The following STRIP1 variants were observed in gnomAD, a reference collection of about 807,000 sequenced individuals.
The protein encoded by STRIP1 is striatin interacting protein 1, also known as striatin-interacting protein 1.
Under a neutral mutation model 106.2 loss-of-function variants are expected in STRIP1, and 63 were observed. The ratio of observed to expected loss-of-function variants is 0.59; its 90% CI spans 0.48 to 0.73. The LOEUF (loss-of-function observed/expected upper bound fraction) is 0.73. Among genes scored for constraint, STRIP1 ranks in the 30% least tolerant of loss-of-function variants. The pLI is 0.00. For missense variants in STRIP1, 857 were observed against 1,074.8 expected, an observed-to-expected ratio of 0.80 and a Z score of 2.83; for synonymous variants, 390 against 413.0, an observed-to-expected ratio of 0.94 and a Z score of 0.67.
At chr1:110,039,597 G>T (rs758646326) in intron 5 of STRIP1, 82 bp downstream of exon 5, 18 of 1,488,614 alleles carry the variant, frequency 1.2e-5, no homozygotes, top group East Asian at 2.4e-5. Flanking sequence ...AACTGGCTTT[G>T]AGAGGGTTAA....
upstream of STRIP1, chr1:110,031,707 A>G (rs1434031657): frequency 3.3e-5 from 5 of 151,734 alleles, no homozygotes; most frequent in African/African-American, 4.8e-5. Context: ...AGACACTTCT[A>G]CAGCTTCTAC....
chr1:110,047,942 C>G (rs572760810), intron 15 of STRIP1, 73 bp downstream of exon 15: 1 of 1,343,028 alleles, frequency 7.4e-7, no homozygotes, highest in South Asian at 1.3e-5. Flanking sequence ...TTCCTCTTGT[C>G]AGGTTGGTTG....
At position 110,051,897 on chromosome 1, in the gene STRIP1, T is replaced by C. The variant is rs112658570; in HGVS notation, c.2266+10T>C. 10,885 of 1,609,694 alleles carry C rather than the reference T, an allele frequency of 6.8e-3. 138 individuals are homozygous for C. The highest frequency in any genetic ancestry group is 0.054 in the African/African-American group (4,066 of 74,904). On this transcript the variant is annotated intron_variant, in intron 20 of 20. Transcript: ENST00000369795. Reference sequence around the variant, plus strand: ...TGGGCATACGGCAATGGTGAGACTCTGCACTCAGCCAGATTTGGGTGGGAG... The same window carrying C: ...TGGGCATACGGCAATGGTGAGACTCCGCACTCAGCCAGATTTGGGTGGGAG...
chr1:110,052,672 G>A (rs1009012096), intron 20 of STRIP1, among the ~76,000 whole-genome samples: 2 of 152,044 alleles, frequency 1.3e-5, no homozygotes, highest in African/African-American at 4.8e-5. Flanking sequence ...GTTTCACTGT[G>A]TTAGCCAGGC....
chr1:110,049,664 A>G lies in STRIP1; in HGVS notation c.1889+104A>G, dbSNP rs1240089889. The G allele has an allele frequency of 2.0e-5, 15 of 761,074 alleles. No individual in the cohort carries two copies. The East Asian group carries it at 3.8e-4, about 19-fold the overall frequency. The allele number at this position is 761,074 out of a possible 1,614,324, so 47.1% of individuals were successfully genotyped here. On this transcript the variant is annotated intron_variant, in intron 17 of 20. Coordinates refer to ENST00000369795, the MANE Select transcript of STRIP1 (RefSeq NM_033088.4). ...ATTTTTCCAGCACCTACGAGCCAGC[A>G]CTGTGCTAGGCATCAAGACATAAAG...
intron 20 of STRIP1, 133 bp from the exon 21 acceptor site, chr1:110,053,532 C>A: frequency 7.8e-7 from 1 of 1,287,180 alleles, no homozygotes; most frequent in Non-Finnish European, 1.1e-6. Context: ...GGAAGGAATT[C>A]CTGGCATCTT....
chr1:110,047,662 A>G (rs1361817540), intron 14 of STRIP1, 46 bp downstream of exon 14: 1 of 1,575,922 alleles, frequency 6.3e-7, no homozygotes, highest in East Asian at 2.3e-5. Context: ...CTGGCCTTAG[A>G]GCAGGCCCTG....
intron 9 of STRIP1, 65 bp downstream of exon 9, chr1:110,043,335 G>A: frequency 6.7e-7 from 1 of 1,490,720 alleles, no homozygotes; most frequent in Admixed American, 1.8e-5. Context: ...CAGCAGCACA[G>A]TCCTTGGAGG....
upstream of STRIP1, among the ~76,000 whole-genome samples, chr1:110,033,071 T>A (rs574032539): frequency 6.1e-4 from 93 of 152,344 alleles, no homozygotes; most frequent in South Asian, 6.8e-3. Context: ...ATCAGGGCTT[T>A]TGCATTTAGC....
At chr1:110,042,021 C>T (rs1471677818) in intron 8 of STRIP1, among the ~76,000 whole-genome samples, 160 bp downstream of exon 8, 1 of 152,146 alleles carries the variant, frequency 6.6e-6, no homozygotes, top group Non-Finnish European at 1.5e-5. Context: ...AAAAGAAGGG[C>T]CACTATTGTC....
In STRIP1 at chr1:110,050,960, C is replaced by T. The variant is rs1570929276; in HGVS notation, c.1961C>T (p.Ala654Val). 1 of 1,594,842 alleles carries T rather than the reference C, an allele frequency of 6.3e-7. No homozygotes were observed. Among genetic ancestry groups the T allele is most frequent in the Non-Finnish European group, 8.6e-7 (1 of 1,162,418 alleles). ...GTTCCTGGGTTTACCCTGCAGGAAG[C>T]AGGTGACAGTAACCAATTTTGCTGG... ...LPELTAESLE[A>V]GDSNQFCWRN... is the part of the protein sequence containing the mutation. Residue 654 changes from alanine (A) to valine (V), a missense_variant, in exon 19 of 21, where the codon GCA becomes GTA. Around this residue, in one of 2 missense-constraint regions of STRIP1, gnomAD observed 750 missense variants for 989.8 expected, o/e 0.76. Transcript: ENST00000369795.
Position 110,037,947 on chromosome 1 carries a change from T to C in STRIP1, c.237T>C (p.Ala79=), listed in dbSNP as rs1437273176. 1.2e-6 allele frequency: 2 copies of C among 1,611,942 alleles called. No individual in the cohort carries two copies. The highest frequency in any genetic ancestry group is 2.7e-5 in the African/African-American group (2 of 74,734). Residue 79 remains alanine (A), a synonymous_variant, in exon 2 of 21, where the codon GCT becomes GCC. Coordinates refer to ENST00000369795, the MANE Select transcript of STRIP1 (RefSeq NM_033088.4). ...AGTATGCTGACACAGACAAGTGGGC[T>C]GCAGAGCTCTCGGGTAACGCACAGA... ...EFEYADTDKW[A]AELSELYSYT...
intron 2 of STRIP1, chr1:110,038,317 C>T (rs1445503193): frequency 4.8e-6 from 1 of 209,542 alleles, no homozygotes. Flanking sequence ...GCTGCCACTG[C>T]CACTCTCATG....
At chr1:110,046,982 G>A (rs1653055612) in intron 13 of STRIP1, among the ~76,000 whole-genome samples, 3 of 152,088 alleles carry the variant, frequency 2.0e-5, no homozygotes, top group South Asian at 4.1e-4. Flanking sequence ...CCCGGGAGGC[G>A]GAGCTTGTAG....
At chr1:110,052,157 C>T (rs184162559) in intron 20 of STRIP1, among the ~76,000 whole-genome samples, 54 of 152,200 alleles carry the variant, frequency 3.5e-4, no homozygotes, top group Non-Finnish European at 6.2e-4. Flanking sequence ...AGACTGTGTC[C>T]CCTCTTTTCA....
chr1:110,050,265 G>C (rs1219983148), intron 17 of STRIP1, 78 bp from the exon 18 acceptor site: 3 of 1,414,196 alleles, frequency 2.1e-6, no homozygotes, highest in Admixed American at 3.4e-5. Flanking sequence ...AAAGCTGGGA[G>C]CTGGCTCAGG....
chr1:110,049,213 A>C lies in STRIP1; in HGVS notation c.1763A>C (p.His588Pro). 2 of 1,614,194 alleles carry C rather than the reference A, an allele frequency of 1.2e-6. No homozygotes were observed. Among genetic ancestry groups the C allele is most frequent in the Non-Finnish European group, 1.7e-6 (2 of 1,180,046 alleles). The change falls in exon 16 of 21, where the codon CAC becomes CCC. Residue 588 changes from histidine to proline, a missense_variant. Physicochemically the swap from His to Pro is moderately conservative, Grantham distance 77. Coordinates refer to ENST00000369795, the MANE Select transcript of STRIP1 (RefSeq NM_033088.4). ...GCTGTCCTGCTGCTGCTGCTCAAGC[A>C]CTTTAAGTTGAACCATGTCTACCAG... ...ISAVLLLLLK[H>P]FKLNHVYQFE...
intron 20 of STRIP1, 95 bp downstream of exon 20, chr1:110,051,982 C>A: frequency 2.3e-6 from 3 of 1,305,340 alleles, no homozygotes; most frequent in East Asian, 2.5e-5. Context: ...ACTTCTCTGC[C>A]CTGAGCTTCC....
At chr1:110,042,247 G>A (rs1022155389) in intron 8 of STRIP1, among the ~76,000 whole-genome samples, 4 of 152,326 alleles carry the variant, frequency 2.6e-5, no homozygotes, top group Non-Finnish European at 5.9e-5. Flanking sequence ...GCAAGAGTGA[G>A]CCCTGAGCCA....
Sources: gnomAD v4.1 joint callset for allele counts (sites outside exome capture counted in the v4.1 genomes callset) on GRCh38, gnomAD v4.1.1 for gene constraint, gnomAD v4.1.1 regional missense constraint, MANE v1.5 for transcripts, NCBI Gene and HGNC (gene_info 2026-07-23, HGNC 2026-07-21) for gene names.